Variants in MYO5B observed in about 807,000 individuals in gnomAD.
The protein encoded by MYO5B is myosin VB.
In MYO5B, 143 loss-of-function variants were observed where a neutral mutation model predicts 229.3. The observed-to-expected ratio is 0.62, with a 90% confidence interval of 0.54 to 0.72. The LOEUF (loss-of-function observed/expected upper bound fraction) is 0.72. Ranked by LOEUF, MYO5B falls within the 30% of genes least tolerant of loss-of-function variation. The pLI, the probability that MYO5B is intolerant of heterozygous loss-of-function variation, is 0.00. For synonymous variants in MYO5B, 918 were observed against 885.2 expected (o/e 1.04, Z -0.66); for missense variants, 2,321 against 2,331.0 (o/e 1.00, Z 0.09).
At chr18:49,864,063 A>G in intron 28 of MYO5B, 78 bp downstream of exon 28, 1 of 1,581,642 alleles carries the variant, frequency 6.3e-7, no homozygotes, top group Non-Finnish European at 8.6e-7. Flanking sequence ...CCTCGTGGGT[A>G]AAGATAATTA....
At chr18:50,150,453 A>C (rs1363036999) in intron 1 of MYO5B, among the ~76,000 whole-genome samples, 2 of 147,080 alleles carry the variant, frequency 1.4e-5, no homozygotes, top group African/African-American at 5.0e-5. Context: ...ACAATGATAG[A>C]CTGGATTAAG....
intron 1 of MYO5B, among the ~76,000 whole-genome samples, chr18:50,153,606 C>T (rs745848584): frequency 2.0e-5 from 3 of 152,154 alleles, no homozygotes; most frequent in African/African-American, 7.2e-5. Context: ...CATGCCACCA[C>T]GCCTGGCTAA....
At chr18:49,992,803 TCA>T (rs1187930408) in intron 5 of MYO5B, among the ~76,000 whole-genome samples, 1 of 152,124 alleles carries the variant, frequency 6.6e-6, no homozygotes, top group East Asian at 1.9e-4. Context: ...GCCTAAAGAA[TCA>T]CAGAGACCTT....
At chr18:50,021,526 A>G (rs991659157) in intron 4 of MYO5B, among the ~76,000 whole-genome samples, 5 of 152,132 alleles carry the variant, frequency 3.3e-5, no homozygotes, top group Non-Finnish European at 5.9e-5. Flanking sequence ...GAGAGAAAAG[A>G]GGTCTGAAAA....
chr18:49,863,387 T>C, intron 28 of MYO5B, 60 bp from the exon 29 acceptor site: 1 of 1,424,438 alleles, frequency 7.0e-7, no homozygotes, highest in Non-Finnish European at 9.9e-7. Flanking sequence ...AATGGCTTTA[T>C]ATACAAACAG....
At chr18:50,110,604 T>C (rs1468656588) in intron 1 of MYO5B, among the ~76,000 whole-genome samples, 1 of 152,192 alleles carries the variant, frequency 6.6e-6, no homozygotes. Flanking sequence ...GTGCTTTCTT[T>C]ATCCCTGAGT....
chr18:50,178,567 T>C (rs1249813796), intron 1 of MYO5B, among the ~76,000 whole-genome samples: 1 of 152,222 alleles, frequency 6.6e-6, no homozygotes, highest in East Asian at 1.9e-4. Context: ...GCCAAGAGTT[T>C]ACTTATTGAG....
intron 14 of MYO5B, among the ~76,000 whole-genome samples, chr18:49,940,362 G>A (rs1787601): frequency 0.58 from 88,428 of 151,562 alleles, 26,260 homozygotes; most frequent in Middle Eastern, 0.73. Flanking sequence ...TGGTGCTGGT[G>A]GCATACTAGA....
chr18:50,029,306 C>G (rs1213108848), intron 4 of MYO5B, among the ~76,000 whole-genome samples: 1 of 152,142 alleles, frequency 6.6e-6, no homozygotes, highest in Non-Finnish European at 1.5e-5. Context: ...GACAAGTGAA[C>G]AGCCCGGAGC....
At chr18:50,182,513 C>T (rs572426433) in intron 1 of MYO5B, among the ~76,000 whole-genome samples, 1 of 152,296 alleles carries the variant, frequency 6.6e-6, no homozygotes, top group Non-Finnish European at 1.5e-5. Context: ...CCCAAAATAA[C>T]GTGTAAAATT....
At chr18:50,050,681 C>A (rs892639518) in intron 2 of MYO5B, among the ~76,000 whole-genome samples, 1 of 152,196 alleles carries the variant, frequency 6.6e-6, no homozygotes, top group Admixed American at 6.5e-5. Flanking sequence ...AAACGCTTCT[C>A]CACACCTTGT....
intron 2 of MYO5B, among the ~76,000 whole-genome samples, chr18:50,044,723 C>A (rs183500741): frequency 2.0e-4 from 31 of 152,318 alleles, no homozygotes; most frequent in African/African-American, 7.0e-4. Context: ...CTCAGTCACA[C>A]TAGCCACTGT....
chr18:49,860,100 G>C (rs376134947), intron 29 of MYO5B, among the ~76,000 whole-genome samples: 7 of 152,182 alleles, frequency 4.6e-5, no homozygotes, highest in African/African-American at 1.7e-4. Flanking sequence ...GCTGCTAGGA[G>C]GTTTTCTGGG....
At chr18:49,930,251 G>A (rs555941454) in intron 16 of MYO5B, among the ~76,000 whole-genome samples, 5 of 152,318 alleles carry the variant, frequency 3.3e-5, no homozygotes, top group African/African-American at 9.6e-5. Flanking sequence ...GGGCACATAC[G>A]TTGTGTATGC....
chr18:50,059,526 T>C (rs1266555551), intron 1 of MYO5B, among the ~76,000 whole-genome samples: 2 of 152,202 alleles, frequency 1.3e-5, no homozygotes, highest in Non-Finnish European at 2.9e-5. Context: ...GCAGATCTGA[T>C]CAAGCAAGCT....
chr18:50,039,690 A>C (rs2029948230), intron 3 of MYO5B, among the ~76,000 whole-genome samples: 1 of 152,224 alleles, frequency 6.6e-6, no homozygotes, highest in Non-Finnish European at 1.5e-5. Context: ...TATGTTATGA[A>C]TTTTGCTCAC....
At chr18:49,881,619 G>A (rs536299208) in intron 22 of MYO5B, among the ~76,000 whole-genome samples, 4 of 152,078 alleles carry the variant, frequency 2.6e-5, no homozygotes, top group East Asian at 1.9e-4. Flanking sequence ...TGGCTAACAC[G>A]GTGAAATCCC....
intron 1 of MYO5B, among the ~76,000 whole-genome samples, chr18:50,154,599 A>G (rs1266738269): frequency 6.6e-6 from 1 of 152,200 alleles, no homozygotes; most frequent in Non-Finnish European, 1.5e-5. Context: ...TTTGTTACCT[A>G]TTATCTGGAA....
At chr18:50,089,642 G>A (rs1267172553) in intron 1 of MYO5B, among the ~76,000 whole-genome samples, 1 of 151,914 alleles carries the variant, frequency 6.6e-6, no homozygotes, top group Non-Finnish European at 1.5e-5. Context: ...CAGTGTCGTA[G>A]GAGTTATTAA....
Sources: gnomAD v4.1 joint callset for allele counts (sites outside exome capture counted in the v4.1 genomes callset) on GRCh38, gnomAD v4.1.1 for gene constraint, MANE v1.5 for transcripts, NCBI Gene and HGNC (gene_info 2026-07-23, HGNC 2026-07-21) for gene names.